ATRN: variants seen among roughly 807,000 people sequenced by gnomAD.
ATRN encodes the protein attractin-2.
ATRN carries 54 observed loss-of-function variants against 178.7 expected under a neutral mutation model. The ratio of observed to expected loss-of-function variants is 0.30; its 90% confidence interval spans 0.24 to 0.38. ATRN has a LOEUF of 0.38. Among genes scored for constraint, ATRN ranks in the 10% least tolerant of loss-of-function variants. The pLI, the probability that ATRN is intolerant of heterozygous loss-of-function variation, is 1.00. For synonymous variants in ATRN, 636 were observed against 663.0 expected (o/e 0.96, Z 0.63); for missense variants, 1,443 against 1,815.1 (o/e 0.79, Z 3.73).
intron 21 of ATRN, 63 bp from the exon 22 acceptor site, chr20:3,597,843 C>T: frequency 1.9e-6 from 2 of 1,050,870 alleles, no homozygotes; most frequent in Non-Finnish European, 2.9e-6. Context: ...GCCTGTATCT[C>T]TAAAGACCTG....
At chr20:3,643,722 A>T (rs907085599) in intron 27 of ATRN, among the ~76,000 whole-genome samples, 2 of 152,218 alleles carry the variant, frequency 1.3e-5, no homozygotes, top group Non-Finnish European at 2.9e-5. Flanking sequence ...ACAAAATAGA[A>T]TGTTTTTTAA....
intron 1 of ATRN, among the ~76,000 whole-genome samples, chr20:3,515,146 A>G (rs1301104555): frequency 6.6e-6 from 1 of 152,218 alleles, no homozygotes; most frequent in Admixed American, 6.5e-5. Flanking sequence ...CAGCTGCAGT[A>G]AGGCAAGAAA....
At position 3,645,182 on chromosome 20, in the gene ATRN, C is replaced by A. The variant is rs2087098272; in HGVS notation, c.4165+914C>A. On this transcript the variant is annotated intron_variant, in intron 28 of 28. Coordinates refer to ENST00000262919, the MANE Select transcript of ATRN (RefSeq NM_139321.3). The surrounding 1 kb of genome is among the most constrained non-coding windows in gnomAD (Gnocchi z 4.7). Reference sequence around the variant, plus strand: ...AGTCAGGGTTACCTTAGCCAGAGAGCACCCTGTGTCTGGTGGAAAGGCTGC... The same window carrying A: ...AGTCAGGGTTACCTTAGCCAGAGAGAACCCTGTGTCTGGTGGAAAGGCTGC... 6.6e-6 allele frequency among the ~76,000 whole-genome samples: 1 copy of A among 152,206 alleles called. No individual in the cohort carries two copies. Among genetic ancestry groups the A allele is most frequent in the African/African-American group, 2.4e-5 (1 of 41,458 alleles).
chr20:3,610,742 CTTTTTTTTTT>C (rs71195847), intron 24 of ATRN, among the ~76,000 whole-genome samples: 5 of 65,272 alleles, frequency 7.7e-5, no homozygotes, highest in South Asian at 5.7e-4. Context: ...CTGGCTAATT[CTTTTTTTTTT>C]TTTTTTTTTT....
chr20:3,472,484 A>G (rs1213742057), intron 1 of ATRN, among the ~76,000 whole-genome samples: 1 of 152,240 alleles, frequency 6.6e-6, no homozygotes, highest in Non-Finnish European at 1.5e-5. Flanking sequence ...CTCTGCTCTC[A>G]TTGACCTTAA....
At chr20:3,635,551 CAAAG>C (rs1199856518) in intron 26 of ATRN, among the ~76,000 whole-genome samples, 9 of 152,178 alleles carry the variant, frequency 5.9e-5, no homozygotes, top group Admixed American at 2.6e-4. Flanking sequence ...AAGATCTAGA[CAAAG>C]AAGCTGTCTG....
chr20:3,634,939 T>C (rs796243031), intron 26 of ATRN, among the ~76,000 whole-genome samples: 1 of 152,266 alleles, frequency 6.6e-6, no homozygotes, highest in African/African-American at 2.4e-5. Flanking sequence ...CAAATTTAAA[T>C]AAATAAACTT....
In ATRN at chr20:3,594,585, C is replaced by T; in HGVS notation, c.3416+13C>T. 1 of 1,601,800 alleles carries T rather than the reference C, an allele frequency of 6.2e-7. No homozygotes were observed. Among genetic ancestry groups the T allele is most frequent in the Non-Finnish European group, 8.5e-7 (1 of 1,172,100 alleles). ...ACGAGTGCCAGCTGTGAGTACCATA[C>T]TCCCTGGACCACCAGGGAGGACCAA... On this transcript the variant is annotated intron_variant, in intron 20 of 28. Coordinates refer to ENST00000262919, the MANE Select transcript of ATRN (RefSeq NM_139321.3).
chr20:3,621,099 A>T (rs1053695566), intron 24 of ATRN, among the ~76,000 whole-genome samples: 1 of 152,196 alleles, frequency 6.6e-6, no homozygotes, highest in South Asian at 2.1e-4. Flanking sequence ...GGACACCCCT[A>T]TATAGACCAT....
chr20:3,610,742 CTTTTTTT>C lies in ATRN; in HGVS notation c.3801+6499_3801+6505del, dbSNP rs71195847. Among the ~76,000 whole-genome samples, 434 of 65,282 alleles carry C rather than the reference CTTTTTTT, an allele frequency of 6.6e-3. 1 individual carries two copies. Among genetic ancestry groups the C allele is most frequent in the Non-Finnish European group, 8.8e-3 (312 of 35,620 alleles). 42.8% of individuals were successfully genotyped at this position (65,282 alleles called of 152,430 possible). On this transcript the variant is annotated intron_variant, in intron 24 of 28. Coordinates refer to ENST00000262919, the MANE Select transcript of ATRN (RefSeq NM_139321.3). ...TGCATACCACCATGCCTGGCTAATT[CTTTTTTT>C]TTTTTTTTTTTTTTTTTTGGTAGAG...
chr20:3,620,767 C>G (rs1265430610), intron 24 of ATRN, among the ~76,000 whole-genome samples: 3 of 152,140 alleles, frequency 2.0e-5, no homozygotes, highest in Non-Finnish European at 4.4e-5. Flanking sequence ...TTCATTCATT[C>G]TTCTACAACA....
At chr20:3,489,811 C>T (rs1269521310) in intron 1 of ATRN, 2 of 1,268,570 alleles carry the variant, frequency 1.6e-6, no homozygotes, top group Non-Finnish European at 2.3e-6. Context: ...CCACAAATCT[C>T]ACAGTTATAG....
intron 1 of ATRN, among the ~76,000 whole-genome samples, chr20:3,475,034 A>G (rs1193603165): frequency 6.6e-6 from 1 of 150,480 alleles, no homozygotes; most frequent in Non-Finnish European, 1.5e-5. Flanking sequence ...TCCATCTCAA[A>G]AAAAAAAAAA....
intron 1 of ATRN, among the ~76,000 whole-genome samples, chr20:3,512,711 T>G (rs1319173780): frequency 6.6e-6 from 1 of 152,216 alleles, no homozygotes; most frequent in Non-Finnish European, 1.5e-5. Flanking sequence ...TGAGCTAGTT[T>G]ACAGTCCCAC....
chr20:3,491,149 G>A, intron 1 of ATRN: 1 of 514,792 alleles, frequency 1.9e-6, no homozygotes, highest in Non-Finnish European at 3.4e-6. Flanking sequence ...CTCTCTGGGG[G>A]AAAAAAATCA....
chr20:3,556,779 C>G (rs533609948), intron 6 of ATRN, among the ~76,000 whole-genome samples: 2 of 151,960 alleles, frequency 1.3e-5, no homozygotes, highest in South Asian at 4.2e-4. Context: ...CAGTATCGTT[C>G]TTGTCTTATG....
chr20:3,475,220 T>C (rs1331577082), intron 1 of ATRN, among the ~76,000 whole-genome samples: 1 of 152,112 alleles, frequency 6.6e-6, no homozygotes, highest in Non-Finnish European at 1.5e-5. Flanking sequence ...AGCTTTTTAG[T>C]CCTGTAAATC....
At position 3,604,325 on chromosome 20, in the gene ATRN, T is replaced by C. The variant is rs2086651369; in HGVS notation, c.3801+63T>C. On this transcript the variant is annotated intron_variant, in intron 24 of 28. Coordinates refer to ENST00000262919, the MANE Select transcript of ATRN (RefSeq NM_139321.3). ...GTGAAATCTCTTTAGTAAGACTAAA[T>C]TTACTAATTTGGAGCTTGTGGTAAA... The C allele has an allele frequency of 2.7e-6, 4 of 1,490,090 alleles. No individual in the cohort carries two copies. The South Asian group carries it at 4.0e-5, about 15-fold the overall frequency. The allele number at this position is 1,490,090 out of a possible 1,614,324, so 92.3% of individuals were successfully genotyped here.
Position 3,627,975 on chromosome 20 carries a change from A to G in ATRN, c.3863+3403A>G, listed in dbSNP as rs2086956781. Among the ~76,000 whole-genome samples the G allele has an allele frequency of 2.0e-5, 3 of 152,150 alleles. No homozygotes were observed. In the South Asian group the frequency reaches 6.2e-4, roughly 31 times the overall value. On this transcript the variant is annotated intron_variant, in intron 25 of 28. Coordinates refer to ENST00000262919, the MANE Select transcript of ATRN (RefSeq NM_139321.3). ...ATCACGAGGTCAGGAGATCGAGACC[A>G]TCCTGGCTAACACGGTGAAACCCCA... is the stretch of plus-strand genomic sequence containing the variant.
Sources: allele counts gnomAD v4.1 joint callset (sites outside exome capture counted in the v4.1 genomes callset), GRCh38; gene constraint gnomAD v4.1.1; non-coding constraint Gnocchi (gnomAD v3.1); transcripts MANE v1.5; gene names NCBI Gene and HGNC (gene_info 2026-07-23, HGNC 2026-07-21).